Variants in BTBD19 observed in about 807,000 individuals in gnomAD.
BTBD19 encodes the protein BTB/POZ domain-containing protein 19.
A neutral mutation model predicts 36.1 loss-of-function variants in BTBD19; 20 were observed. That is an observed-to-expected ratio of 0.55 (90% CI 0.39 to 0.80). The LOEUF is 0.80. Ranked by LOEUF, BTBD19 falls within the 30% of genes least tolerant of loss-of-function variation. The probability of loss-of-function intolerance (pLI) is 0.00; values close to 1 mark genes in which losing one functional copy is unlikely to be tolerated. For missense variants in BTBD19, 325 were observed against 389.8 expected (o/e 0.83, Z 1.40); for synonymous variants, 157 against 174.3 (o/e 0.90, Z 0.78).
At chr1:44,808,789 G>C in exon 1 of BTBD19, 2 of 1,492,402 alleles carry the variant, frequency 1.3e-6, no homozygotes, top group South Asian at 2.5e-5. Flanking sequence ...GGCCTCCCAG[G>C]CTCCCTCCTC....
Position 44,812,341 on chromosome 1 carries a change from TTCTG to T in BTBD19, c.414+250_414+253del, listed in dbSNP as rs1360029811. On this transcript the variant is annotated intron_variant, in intron 4 of 7. Transcript: ENST00000450269. The stretch of plus-strand genomic sequence containing the variant: ...AAGGGGCTGGAGGTCTTTGCTGGTC[TTCTG>T]TCTGTCAGGGCTGGGGAATGGTTCT... 2.8e-5 allele frequency: 13 copies of T among 456,344 alleles called. 1 individual carries two copies. In the East Asian group the frequency reaches 4.2e-4, roughly 15 times the overall value. 28.3% of individuals were successfully genotyped at this position (456,344 alleles called of 1,614,324 possible).
chr1:44,814,152 T>TTCTA (rs1652587530), downstream of BTBD19: 1 of 72,914 alleles, frequency 1.4e-5, no homozygotes, highest in Non-Finnish European at 2.7e-5. Context: ...TTCTTTCTCT[T>TTCTA]TCTTTCTTTC....
At chr1:44,811,350 A>G (rs1466119309) in intron 3 of BTBD19, among the ~76,000 whole-genome samples, 1 of 152,114 alleles carries the variant, frequency 6.6e-6, no homozygotes. Flanking sequence ...TTTGTGTTCG[A>G]TCTGGTAGAA....
Position 44,810,456 on chromosome 1 carries a change from G to C in BTBD19, c.300+30G>C, listed in dbSNP as rs1255050112. The C allele has an allele frequency of 1.9e-6, 3 of 1,551,022 alleles. No individual in the cohort carries two copies. In the South Asian group the frequency reaches 3.6e-5, roughly 18 times the overall value. ...GCCTGCTGACCAGGGGCCTGGGTGG[G>C]AGAGGTGGGGGGTGCCAGAGGCAGG... On this transcript the variant is annotated intron_variant, in intron 2 of 7. Transcript: ENST00000450269. This position sits in a 1 kb window ranked among gnomAD's most constrained non-coding sequence, Gnocchi z 4.2.
exon 1 of BTBD19, chr1:44,808,533 T>TCGCCGC (rs745615802): frequency 1.3e-4 from 38 of 300,840 alleles, no homozygotes; most frequent in Middle Eastern, 9.5e-4. Flanking sequence ...AGGGCCTCTT[T>TCGCCGC]CGCCGCCGCC....
intron 4 of BTBD19, 145 bp from the exon 5 acceptor site, chr1:44,812,851 T>C (rs1652488164): frequency 1.8e-6 from 1 of 551,208 alleles, no homozygotes; most frequent in African/African-American, 2.0e-5. Flanking sequence ...CAGGCTTTCA[T>C]TGGGTCTAGT....
chr1:44,814,340 C>G (rs1423259261), downstream of BTBD19: 1 of 151,896 alleles, frequency 6.6e-6, no homozygotes, highest in Non-Finnish European at 1.5e-5. Flanking sequence ...CACTCTCGCC[C>G]AGGCCGGAGG....
Position 44,809,794 on chromosome 1 carries a change from A to G in BTBD19, c.87-419A>G, listed in dbSNP as rs1185077450. On this transcript the variant is annotated intron_variant, in intron 1 of 7. Coordinates refer to ENST00000450269, the Ensembl canonical transcript of BTBD19. ...CACCCTCCTGTCTGGAGGAGGGCTGAAAAAAAGCTGAGTTTGCAGCTGGTG... is the reference window on the plus strand; with the variant it reads ...CACCCTCCTGTCTGGAGGAGGGCTGGAAAAAAGCTGAGTTTGCAGCTGGTG... Among the ~76,000 whole-genome samples the G allele has an allele frequency of 3.3e-5, 5 of 152,256 alleles. 1 individual carries two copies. In the East Asian group the frequency reaches 7.7e-4, roughly 23 times the overall value.
intron 4 of BTBD19, 108 bp downstream of exon 4, chr1:44,812,206 G>A: frequency 1.2e-6 from 1 of 803,996 alleles, no homozygotes; most frequent in Non-Finnish European, 1.9e-6. Context: ...AATAACTTGG[G>A]TACATGGTGG....
Position 44,810,330 on chromosome 1 carries a change from G to T in BTBD19, c.204G>T (p.Val68=), listed in dbSNP as rs1331441226. 1 of 1,551,832 alleles carries T rather than the reference G, an allele frequency of 6.4e-7. No homozygotes were observed. The highest frequency in any genetic ancestry group is 2.0e-5 in the Admixed American group (1 of 51,016). Reference sequence around the variant, plus strand: ...TGGGCACAGAGCCAGGCCCCGGGGTGCCCAGTCCTGTGGTGCTAAGCACTG... The same window carrying T: ...TGGGCACAGAGCCAGGCCCCGGGGTTCCCAGTCCTGTGGTGCTAAGCACTG... Residue 68 remains valine, a synonymous_variant, in exon 2 of 8, where the codon GTG becomes GTT. Coordinates refer to ENST00000450269, the Ensembl canonical transcript of BTBD19. The surrounding 1 kb of genome is among the most constrained non-coding windows in gnomAD (Gnocchi z 4.2).
intron 3 of BTBD19, chr1:44,811,570 G>A (rs1019456475): frequency 2.7e-5 from 5 of 184,712 alleles, no homozygotes; most frequent in East Asian, 1.3e-4. Flanking sequence ...GAAGGTTTCC[G>A]ATAAGGGAGT....
chr1:44,812,495 G>C, intron 4 of BTBD19: 1 of 454,028 alleles, frequency 2.2e-6, no homozygotes, highest in Non-Finnish European at 4.4e-6. Flanking sequence ...CAAGAGGTCA[G>C]GAGATCGAGA....
Position 44,813,953 on chromosome 1 carries a change from G to A in BTBD19, c.*181G>A. The A allele has an allele frequency of 9.7e-7, 1 of 1,030,832 alleles. No homozygotes were observed. Among genetic ancestry groups the A allele is most frequent in the Non-Finnish European group, 1.4e-6 (1 of 717,912 alleles). The allele number at this position is 1,030,832 out of a possible 1,614,324, so 63.9% of individuals were successfully genotyped here. A position where few individuals can be genotyped will look rare whatever the true frequency, so the allele number is the denominator to read the frequency against. ...CCTTGTGCGGGATCAAGCCCGTGTGGGCGAGGTGGGGTCGGGCCGGGCAGG... is the reference window on the plus strand; with the variant it reads ...CCTTGTGCGGGATCAAGCCCGTGTGAGCGAGGTGGGGTCGGGCCGGGCAGG... On this transcript the variant is annotated 3_prime_UTR_variant, in exon 8 of 8. Transcript: ENST00000450269. This position sits in a 1 kb window ranked among gnomAD's most constrained non-coding sequence, Gnocchi z 7.8.
chr1:44,812,951 C>T (rs752889969), intron 4 of BTBD19, 45 bp from the exon 5 acceptor site: 5 of 1,488,212 alleles, frequency 3.4e-6, no homozygotes, highest in South Asian at 2.6e-5. Context: ...GGCTGGGCTA[C>T]GGCCTCTCCA....
intron 4 of BTBD19, 151 bp from the exon 5 acceptor site, chr1:44,812,845 C>T (rs1192298572): frequency 3.4e-6 from 2 of 585,858 alleles, no homozygotes. Context: ...GTGTAGCAGG[C>T]TTTCATTGGG....
Position 44,813,282 on chromosome 1 carries a change from G to A in BTBD19, c.615+13G>A, listed in dbSNP as rs190094376. 4 of 1,536,376 alleles carry A rather than the reference G, an allele frequency of 2.6e-6. No individual in the cohort carries two copies. The highest frequency in any genetic ancestry group is 1.7e-4 in the Middle Eastern group (1 of 5,998). Reference sequence around the variant, plus strand: ...GCGCGTGGGCGCGGTGAGTGGGGCTGGGGGAGCGCAAGGGCACGGAAGGAG... The same window carrying A: ...GCGCGTGGGCGCGGTGAGTGGGGCTAGGGGAGCGCAAGGGCACGGAAGGAG... On this transcript the variant is annotated intron_variant, in intron 6 of 7. Coordinates refer to ENST00000450269, the Ensembl canonical transcript of BTBD19. This position sits in a 1 kb window ranked among gnomAD's most constrained non-coding sequence, Gnocchi z 7.8.
At chr1:44,812,136 CTG>C in intron 4 of BTBD19, 38 bp downstream of exon 4, 2 of 1,280,878 alleles carry the variant, frequency 1.6e-6, no homozygotes, top group Non-Finnish European at 1.0e-6. Context: ...GAGTCTGGCT[CTG>C]TGTGTGGAAA....
chr1:44,814,145 TTTC>T (rs1557635182), downstream of BTBD19: 6 of 245,494 alleles, frequency 2.4e-5, no homozygotes, highest in Admixed American at 5.6e-5. Flanking sequence ...TTTCTTTTTC[TTTC>T]TCTTTCTTTC....
intron 4 of BTBD19, 64 bp downstream of exon 4, chr1:44,812,162 C>G (rs1276393168): frequency 1.1e-5 from 12 of 1,137,442 alleles, no homozygotes; most frequent in East Asian, 5.8e-5. Flanking sequence ...GCTCCCAGCA[C>G]CTGGGAGCCT....
Sources: gnomAD v4.1 joint callset for allele counts (sites outside exome capture counted in the v4.1 genomes callset) on GRCh38, gnomAD v4.1.1 for gene constraint, Gnocchi (gnomAD v3.1) non-coding constraint, MANE v1.5 for transcripts, NCBI Gene and HGNC (gene_info 2026-07-23, HGNC 2026-07-21) for gene names.